The following PLS1 variants were observed in gnomAD, a reference collection of about 807,000 sequenced individuals.
The protein encoded by PLS1 is plastin 1, also known as plastin-1.
Under a neutral mutation model 73.7 loss-of-function variants are expected in PLS1, and 32 were observed. The observed-to-expected ratio is 0.43, with a 90% CI of 0.33 to 0.58. The LOEUF is 0.58. Among genes scored for constraint, PLS1 ranks in the 20% least tolerant of loss-of-function variants. PLS1 has a pLI of 0.04. For missense variants in PLS1, 633 were observed against 740.5 expected (o/e 0.85, Z 1.68); for synonymous variants, 217 against 261.3 (o/e 0.83, Z 1.63).
At chr3:142,652,581 G>A (rs770886506) in intron 1 of PLS1, among the ~76,000 whole-genome samples, 9 of 152,174 alleles carry the variant, frequency 5.9e-5, no homozygotes, top group Non-Finnish European at 1.3e-4. Context: ...CACAGAGTAG[G>A]AGGCGGGGGA....
At chr3:142,685,256 C>T (rs1217255670) in intron 8 of PLS1, among the ~76,000 whole-genome samples, 6 of 152,178 alleles carry the variant, frequency 3.9e-5, no homozygotes, top group African/African-American at 1.2e-4. Flanking sequence ...AACATTTATT[C>T]AGCTCTTTCT....
intron 1 of PLS1, among the ~76,000 whole-genome samples, chr3:142,659,854 G>C (rs1447347034): frequency 6.6e-6 from 1 of 151,896 alleles, no homozygotes; most frequent in East Asian, 1.9e-4. Context: ...GTGCCACCAC[G>C]CCTGGCTAAT....
At chr3:142,642,629 T>C (rs900022639) in intron 1 of PLS1, among the ~76,000 whole-genome samples, 1 of 152,252 alleles carries the variant, frequency 6.6e-6, no homozygotes, top group African/African-American at 2.4e-5. Flanking sequence ...TATTATCCGA[T>C]TATTATCCCT....
intron 1 of PLS1, among the ~76,000 whole-genome samples, chr3:142,613,445 C>T (rs761493997): frequency 2.0e-5 from 3 of 151,684 alleles, no homozygotes; most frequent in Non-Finnish European, 4.4e-5. Context: ...CCATTGTACT[C>T]CAGCCTGGGT....
chr3:142,661,802 G>A (rs181097824), intron 1 of PLS1, among the ~76,000 whole-genome samples: 10 of 152,214 alleles, frequency 6.6e-5, no homozygotes, highest in South Asian at 2.1e-4. Context: ...AATATAATTC[G>A]TATTCATCTT....
chr3:142,650,218 T>C (rs1301720685), intron 1 of PLS1, among the ~76,000 whole-genome samples: 4 of 128,996 alleles, frequency 3.1e-5, no homozygotes, highest in African/African-American at 1.3e-4. Flanking sequence ...CTTCTTTTTT[T>C]TTTTTTTTTT....
At position 142,704,500 on chromosome 3, in the gene PLS1, G is replaced by A. The variant is rs771811698; in HGVS notation, c.1543G>A (p.Glu515Lys). The change falls in exon 14 of 16, where the codon GAA becomes AAA. Residue 515 changes from glutamate to lysine, a missense_variant. Physicochemically the swap from Glu to Lys is moderately conservative, Grantham distance 56. Coordinates refer to ENST00000457734, the MANE Select transcript of PLS1 (RefSeq NM_001145319.2). ...LNVLSDLGEGEKVNDEIIIKW... is the reference protein window; with the variant it reads ...LNVLSDLGEGKKVNDEIIIKW... ...TGTGTTATCGGATCTTGGAGAGGGTGAAAAAGTAAATGATGAAATTATAAT... is the reference window on the plus strand; with the variant it reads ...TGTGTTATCGGATCTTGGAGAGGGTAAAAAAGTAAATGATGAAATTATAAT... 1 of 1,600,426 alleles carries A rather than the reference G, an allele frequency of 6.2e-7. No individual in the cohort carries two copies. Among genetic ancestry groups the A allele is most frequent in the South Asian group, 1.1e-5 (1 of 90,360 alleles).
chr3:142,617,836 G>A (rs547330710), intron 1 of PLS1, among the ~76,000 whole-genome samples: 27 of 152,214 alleles, frequency 1.8e-4, no homozygotes, highest in Non-Finnish European at 3.4e-4. Flanking sequence ...AAATTAGCCC[G>A]GCTTGGTGGC....
chr3:142,600,955 G>T (rs534412228), intron 1 of PLS1, among the ~76,000 whole-genome samples: 6 of 105,666 alleles, frequency 5.7e-5, no homozygotes, highest in Non-Finnish European at 5.3e-5. Flanking sequence ...ACGGAGTCTC[G>T]CTCTGTGGCC....
At chr3:142,661,944 G>A (rs1044267584) in intron 1 of PLS1, among the ~76,000 whole-genome samples, 1 of 152,026 alleles carries the variant, frequency 6.6e-6, no homozygotes, top group African/African-American at 2.4e-5. Flanking sequence ...AAAAAAATAG[G>A]AACACTCTTA....
chr3:142,617,749 A>G (rs1261664351), intron 1 of PLS1, among the ~76,000 whole-genome samples: 1 of 151,648 alleles, frequency 6.6e-6, no homozygotes, highest in African/African-American at 2.4e-5. Flanking sequence ...AGGCTGAGGC[A>G]GGTGGATCAC....
At chr3:142,612,780 A>AT (rs1299411434) in intron 1 of PLS1, among the ~76,000 whole-genome samples, 82 of 151,096 alleles carry the variant, frequency 5.4e-4, no homozygotes, top group Non-Finnish European at 7.7e-4. Flanking sequence ...TTTAATTTTT[A>AT]TTTTTTTTTG....
At chr3:142,637,163 G>C (rs566757474) in intron 1 of PLS1, among the ~76,000 whole-genome samples, 1 of 152,210 alleles carries the variant, frequency 6.6e-6, no homozygotes, top group East Asian at 1.9e-4. Context: ...AACAACCTAA[G>C]TGTCTTCATG....
intron 13 of PLS1, 21 bp downstream of exon 13, chr3:142,704,022 A>G: frequency 6.2e-7 from 1 of 1,608,446 alleles, no homozygotes; most frequent in Non-Finnish European, 8.5e-7. Flanking sequence ...ATATGTTGGT[A>G]GCAACACTGC....
intron 1 of PLS1, among the ~76,000 whole-genome samples, chr3:142,638,282 C>G (rs113082073): frequency 0.01 from 1,559 of 152,260 alleles, 22 homozygotes; most frequent in African/African-American, 0.035. Flanking sequence ...TCAGATACCC[C>G]AGATTGCACA....
At chr3:142,674,391 G>C (rs1051696604) in intron 4 of PLS1, among the ~76,000 whole-genome samples, 12 of 152,062 alleles carry the variant, frequency 7.9e-5, no homozygotes, top group African/African-American at 2.7e-4. Context: ...ATTAAATTTT[G>C]GGGGTACCTG....
chr3:142,684,525 C>A lies in PLS1; in HGVS notation c.888+130C>A. 1.4e-6 allele frequency: 1 copy of A among 709,958 alleles called. No individual in the cohort carries two copies. Among genetic ancestry groups the A allele is most frequent in the Non-Finnish European group, 2.3e-6 (1 of 427,606 alleles). 44.0% of individuals were successfully genotyped at this position (709,958 alleles called of 1,614,324 possible). A position where few individuals can be genotyped will look rare whatever the true frequency, so the allele number is the denominator to read the frequency against. On this transcript the variant is annotated intron_variant, in intron 8 of 15. Transcript: ENST00000457734. The stretch of plus-strand genomic sequence containing the variant: ...GGATAGAAAATGAAAATTTGCATTA[C>A]TGTGTGAAGTAGATCCCCCAATTAT...
intron 1 of PLS1, among the ~76,000 whole-genome samples, chr3:142,637,458 C>G (rs767477169): frequency 6.6e-5 from 10 of 152,092 alleles, no homozygotes; most frequent in Admixed American, 1.3e-4. Context: ...TTAATAGTGA[C>G]AGTTTCAAAT....
chr3:142,703,741 T>G (rs908128529), intron 12 of PLS1, 127 bp from the exon 13 acceptor site: 6 of 605,318 alleles, frequency 9.9e-6, no homozygotes, highest in African/African-American at 5.6e-5. Context: ...GGGTTATTAT[T>G]ATGAAATTGG....
Sources: gnomAD v4.1 joint callset for allele counts (sites outside exome capture counted in the v4.1 genomes callset) on GRCh38, gnomAD v4.1.1 for gene constraint, MANE v1.5 for transcripts, NCBI Gene and HGNC (gene_info 2026-07-23, HGNC 2026-07-21) for gene names.